The following MBOAT1 variants were observed in gnomAD, a reference collection of about 807,000 sequenced individuals.
MBOAT1 encodes the protein membrane-bound glycerophospholipid O-acyltransferase 1.
Under a neutral mutation model 64.4 loss-of-function variants are expected in MBOAT1, and 67 were observed. The ratio of observed to expected loss-of-function variants is 1.04; its 90% CI spans 0.85 to 1.27. The LOEUF (loss-of-function observed/expected upper bound fraction) is 1.27, where lower values mean the gene tolerates loss of function less well. MBOAT1 is among the 50% of genes most tolerant of loss of function. The pLI is 0.00. For missense variants in MBOAT1, 563 were observed against 604.6 expected, an observed-to-expected ratio of 0.93 and a Z score of 0.72; for synonymous variants, 229 against 218.9, an observed-to-expected ratio of 1.05 and a Z score of -0.41.
Position 20,101,378 on chromosome 6 carries a change from C to T in MBOAT1, c.*908G>A, listed in dbSNP as rs946466407. ...TACATTCCTGGAAAGAAAATACAGC[C>T]TATTTGAGGGCATGCCTGACTTTCA... On this transcript the variant is annotated 3_prime_UTR_variant, in exon 13 of 13. Transcript: ENST00000324607. 6.6e-6 allele frequency among the ~76,000 whole-genome samples: 1 copy of T among 152,168 alleles called. No homozygotes were observed. The highest frequency in any genetic ancestry group is 2.4e-5 in the African/African-American group (1 of 41,436).
intron 1 of MBOAT1, among the ~76,000 whole-genome samples, chr6:20,205,843 T>G (rs1165521636): frequency 1.3e-5 from 2 of 152,150 alleles, no homozygotes; most frequent in African/African-American, 4.8e-5. Context: ...CAGGAGGGAC[T>G]GCAAAGCTCA....
intron 1 of MBOAT1, among the ~76,000 whole-genome samples, chr6:20,211,382 T>G (rs1031292611): frequency 6.6e-6 from 1 of 152,220 alleles, no homozygotes; most frequent in Non-Finnish European, 1.5e-5. Flanking sequence ...ATCCCGCAGA[T>G]CTAGCCTGCA....
intron 1 of MBOAT1, among the ~76,000 whole-genome samples, chr6:20,184,315 C>T (rs1348806257): frequency 6.6e-6 from 1 of 152,102 alleles, no homozygotes; most frequent in Admixed American, 6.6e-5. Flanking sequence ...GGTAAAACCC[C>T]TAGTCCCCAT....
intron 1 of MBOAT1, among the ~76,000 whole-genome samples, chr6:20,163,873 C>T (rs1205614492): frequency 6.6e-6 from 1 of 151,906 alleles, no homozygotes; most frequent in Non-Finnish European, 1.5e-5. Flanking sequence ...TCTGGGCCTC[C>T]ATAAGGAGTG....
At chr6:20,208,452 A>AAAAAAAAAAAAAAAAAAG (rs1763326083) in intron 1 of MBOAT1, among the ~76,000 whole-genome samples, 1 of 149,974 alleles carries the variant, frequency 6.7e-6, no homozygotes, top group Non-Finnish European at 1.5e-5. Context: ...TCTCAAAAAA[A>AAAAAAAAAAAAAAAAAAG]AAAAGAAACT....
intron 4 of MBOAT1, among the ~76,000 whole-genome samples, chr6:20,131,662 G>A (rs970952011): frequency 6.6e-6 from 1 of 152,158 alleles, no homozygotes; most frequent in Non-Finnish European, 1.5e-5. Flanking sequence ...TTTCTGGATG[G>A]TGGTTTTTTC....
At chr6:20,185,981 A>ATAT in intron 1 of MBOAT1, among the ~76,000 whole-genome samples, 1 of 152,220 alleles carries the variant, frequency 6.6e-6, no homozygotes, top group African/African-American at 2.4e-5. Flanking sequence ...TAGGAGTTCA[A>ATAT]GACCAGCCTA....
At chr6:20,208,403 G>A (rs1763321739) in intron 1 of MBOAT1, among the ~76,000 whole-genome samples, 1 of 140,934 alleles carries the variant, frequency 7.1e-6, no homozygotes, top group Admixed American at 7.4e-5. Flanking sequence ...CCGAGATCGT[G>A]CCACTGCACT....
chr6:20,205,722 C>T (rs962369559), intron 1 of MBOAT1, among the ~76,000 whole-genome samples: 1 of 152,162 alleles, frequency 6.6e-6, no homozygotes, highest in Non-Finnish European at 1.5e-5. Flanking sequence ...ACCCCCAACA[C>T]ATCTACATTC....
intron 1 of MBOAT1, among the ~76,000 whole-genome samples, chr6:20,199,698 G>A (rs374033651): frequency 1.6e-4 from 25 of 152,272 alleles, no homozygotes; most frequent in African/African-American, 5.1e-4. Context: ...GGCCAGGTGC[G>A]GTGGCTCACG....
At chr6:20,154,226 T>C (rs980430720) in intron 1 of MBOAT1, among the ~76,000 whole-genome samples, 2 of 152,194 alleles carry the variant, frequency 1.3e-5, no homozygotes, top group African/African-American at 4.8e-5. Flanking sequence ...AATGTTTGTT[T>C]TGGTTTTTTT....
intron 4 of MBOAT1, among the ~76,000 whole-genome samples, chr6:20,137,609 C>T (rs1180698979): frequency 2.0e-5 from 3 of 152,188 alleles, no homozygotes; most frequent in Non-Finnish European, 2.9e-5. Flanking sequence ...TTTCCCTTAC[C>T]ATTAATTCCA....
At position 20,100,557 on chromosome 6, in the gene MBOAT1, C is replaced by A. The variant is rs944119163; in HGVS notation, c.*1729G>T. 6.6e-6 allele frequency among the ~76,000 whole-genome samples: 1 copy of A among 152,134 alleles called. No homozygotes were observed. On this transcript the variant is annotated 3_prime_UTR_variant, in exon 13 of 13. Coordinates refer to ENST00000324607, the MANE Select transcript of MBOAT1 (RefSeq NM_001080480.3). ...ACTAAAGTTTGGGTTCTAGTACTCT[C>A]CCCCAGCACCAGGACTGTTTACATG...
rs777048008 is a variant in MBOAT1, at chr6:20,102,335, T to C, written c.1439A>G (p.Gln480Arg). ...AGAGTTCAGAGTCTGAGGCCGCCTTTGCGTATGAGCTTGTGGTTTCATTGG... is the reference window on the plus strand; with the variant it reads ...AGAGTTCAGAGTCTGAGGCCGCCTTCGCGTATGAGCTTGTGGTTTCATTGG... ...FLPMKPQAHT[Q>R]RRPQTLNSIN... The change falls in exon 13 of 13, where the codon CAA becomes CGA. Residue 480 changes from glutamine (Q) to arginine (R), a missense_variant. Gln to Arg is a conservative substitution (Grantham distance 43). Coordinates refer to ENST00000324607, the MANE Select transcript of MBOAT1 (RefSeq NM_001080480.3). The C allele has an allele frequency of 4.3e-6, 7 of 1,614,022 alleles. No individual in the cohort carries two copies. Among genetic ancestry groups the C allele is most frequent in the Non-Finnish European group, 5.9e-6 (7 of 1,179,992 alleles).
intron 2 of MBOAT1, 95 bp downstream of exon 2, chr6:20,152,529 T>C (rs1372311726): frequency 8.6e-6 from 11 of 1,280,396 alleles, no homozygotes; most frequent in Non-Finnish European, 1.1e-5. Flanking sequence ...ACATATTTTA[T>C]AATGCCATCT....
At chr6:20,115,990 C>T (rs1276614824) in intron 9 of MBOAT1, among the ~76,000 whole-genome samples, 1 of 86,254 alleles carries the variant, frequency 1.2e-5, no homozygotes, top group Non-Finnish European at 2.6e-5. Flanking sequence ...TGGGTTTTCT[C>T]ATTAGAAAAA....
chr6:20,151,136 A>AATATATTTT, intron 3 of MBOAT1, 49 bp downstream of exon 3: 1 of 1,365,156 alleles, frequency 7.3e-7, no homozygotes, highest in Non-Finnish European at 1.0e-6. Flanking sequence ...TTCAAAGATC[A>AATATATTTT]CAAAAAAAAG....
chr6:20,210,578 TCTCCCTCC>T (rs537699494), intron 1 of MBOAT1, among the ~76,000 whole-genome samples: 139 of 149,950 alleles, frequency 9.3e-4, no homozygotes, highest in Non-Finnish European at 1.7e-3. Flanking sequence ...CCCAGAAGTC[TCTCCCTCC>T]CTCCCTCCCT....
chr6:20,115,172 C>T (rs1182607459), intron 10 of MBOAT1, 116 bp downstream of exon 10: 4 of 779,618 alleles, frequency 5.1e-6, no homozygotes, highest in African/African-American at 1.7e-5. Flanking sequence ...GATGTTAATA[C>T]AAAACAAGAG....
Sources: allele counts gnomAD v4.1 joint callset (sites outside exome capture counted in the v4.1 genomes callset), GRCh38; gene constraint gnomAD v4.1.1; transcripts MANE v1.5; gene names NCBI Gene and HGNC (gene_info 2026-07-23, HGNC 2026-07-21).